BCOR: variants seen among roughly 807,000 people sequenced by gnomAD.
BCOR encodes the protein BCL6 corepressor.
Under a neutral mutation model 86.7 loss-of-function variants are expected in BCOR, and 10 were observed. That is an observed-to-expected ratio of 0.12 (90% CI 0.07 to 0.20). The LOEUF is 0.20. Among genes scored for constraint, BCOR ranks in the 10% least tolerant of loss-of-function variants. The probability of loss-of-function intolerance (pLI) is 1.00; values close to 1 mark genes in which losing one functional copy is unlikely to be tolerated. For synonymous variants in BCOR, 611 were observed against 609.0 expected (o/e 1.00, Z -0.05); for missense variants, 1,259 against 1,452.1 (o/e 0.87, Z 2.16).
At chrX:40,170,883 A>C (rs886644445) in intron 1 of BCOR, among the ~76,000 whole-genome samples, 1 of 112,435 alleles carries the variant, frequency 8.9e-6, no homozygotes, top group African/African-American at 3.2e-5. Flanking sequence ...CTAATCAGCA[A>C]GTCACTGGTT....
In BCOR at chrX:40,062,142, A is replaced by G. The variant is rs1602121349; in HGVS notation, c.4425T>C (p.Tyr1475=). ...GGGAGCGCCCACAGGGACACACCTC[A>G]TAGCCAAGCCTGGCTGCCCGCTGCA... ...TLLQRAARLG[Y]EEVVLYCLEN... is the part of the protein sequence containing the mutation. Residue 1475 remains tyrosine, a synonymous_variant, in exon 10 of 15, where the codon TAT becomes TAC. Transcript: ENST00000378444. The G allele has an allele frequency of 8.3e-7, 1 of 1,198,114 alleles. No individual in the cohort carries two copies. The highest frequency in any genetic ancestry group is 3.0e-5 in the East Asian group (1 of 33,152).
Position 40,064,537 on chromosome X carries a change from G to C in BCOR, c.3301C>G (p.Pro1101Ala), listed in dbSNP as rs771593935. ...CTCTCCACAAAGTACTTCTCCACAG[G>C]AAGATCTTTGTCCTCTGGGGCTTCA... ...PFEAPEDKDL[P>A]VEKYFVERQP... Residue 1101 changes from proline to alanine, a missense_variant, in exon 7 of 15, where the codon CCT becomes GCT. Around this residue, in one of 7 missense-constraint regions of BCOR, gnomAD observed 305 missense variants for 286.1 expected, o/e 1.07. Transcript: ENST00000378444. 8.3e-7 allele frequency: 1 copy of C among 1,211,974 alleles called. No individual in the cohort carries two copies. The highest frequency in any genetic ancestry group is 2.2e-5 in the Admixed American group (1 of 46,108).
chrX:40,136,042 A>C lies in BCOR; in HGVS notation c.-41+40965T>G, dbSNP rs754079744. Among the ~76,000 whole-genome samples, 7 of 112,058 alleles carry C rather than the reference A, an allele frequency of 6.2e-5. No homozygotes were observed. The East Asian group carries it at 1.7e-3, about 27-fold the overall frequency. On this transcript the variant is annotated intron_variant, in intron 1 of 14. Transcript: ENST00000342274. Reference sequence around the variant, plus strand: ...CATGCCTCTTCATCCCACCGATGTCAGGCCACATGACTTCTTCTGGCCAAT... The same window carrying C: ...CATGCCTCTTCATCCCACCGATGTCCGGCCACATGACTTCTTCTGGCCAAT...
At chrX:40,091,939 G>C (rs772765012) in intron 1 of BCOR, among the ~76,000 whole-genome samples, 1 of 113,180 alleles carries the variant, frequency 8.8e-6, no homozygotes, top group African/African-American at 3.2e-5. Context: ...CTGGGGCACC[G>C]AGGCAATAAG....
At chrX:40,118,989 C>T (rs756968648) in intron 1 of BCOR, among the ~76,000 whole-genome samples, 383 of 112,150 alleles carry the variant, frequency 3.4e-3, no homozygotes, top group Non-Finnish European at 5.9e-3. Flanking sequence ...TGCGCCACCA[C>T]GCCCAGCTAA....
At chrX:40,160,614 GTTGT>G (rs1334034367) in intron 1 of BCOR, among the ~76,000 whole-genome samples, 34 of 103,061 alleles carry the variant, frequency 3.3e-4, no homozygotes, top group East Asian at 1.5e-3. Context: ...CCTTTTTGGA[GTTGT>G]TTAATTTTGA....
chrX:40,063,980 C>G (rs1404481133), intron 7 of BCOR, 28 bp from the exon 8 acceptor site: 2 of 945,923 alleles, frequency 2.1e-6, no homozygotes, highest in Non-Finnish European at 2.9e-6. Context: ...ACAAATTAAT[C>G]AAAAAGCCCC....
At chrX:40,127,010 TAAGACA>T (rs1937552400) in intron 1 of BCOR, among the ~76,000 whole-genome samples, 1 of 111,507 alleles carries the variant, frequency 9.0e-6, no homozygotes, top group Non-Finnish European at 1.9e-5. Context: ...TCCAGAACAG[TAAGACA>T]ATATATTTCA....
intron 1 of BCOR, among the ~76,000 whole-genome samples, chrX:40,123,422 G>A (rs1219395512): frequency 9.1e-6 from 1 of 109,484 alleles, no homozygotes; most frequent in Non-Finnish European, 1.9e-5. Flanking sequence ...GTGCGGCCTC[G>A]GCTCACTGCA....
chrX:40,091,624 C>T (rs1184314398), intron 1 of BCOR, among the ~76,000 whole-genome samples: 1 of 113,365 alleles, frequency 8.8e-6, no homozygotes, highest in Admixed American at 9.2e-5. Context: ...CTGATGAACA[C>T]GTTGAGGGCA....
upstream of BCOR, among the ~76,000 whole-genome samples, chrX:40,101,212 G>A (rs1937067653): frequency 9.0e-6 from 1 of 111,415 alleles, no homozygotes; most frequent in African/African-American, 3.3e-5. Context: ...AGCTGGGGAT[G>A]CCGCGGGGCC....
intron 7 of BCOR, 33 bp downstream of exon 7, chrX:40,064,303 C>A (rs369882573): frequency 5.8e-6 from 7 of 1,210,530 alleles, no homozygotes; most frequent in South Asian, 5.3e-5. Context: ...AAGGCCCACC[C>A]CCCGGCAGGC....
intron 1 of BCOR, among the ~76,000 whole-genome samples, chrX:40,137,956 C>CT (rs1193753521): frequency 2.3e-3 from 244 of 104,647 alleles, no homozygotes; most frequent in East Asian, 6.5e-3. Flanking sequence ...CTCCAAATAT[C>CT]TTTTTTTTTT....
intron 1 of BCOR, among the ~76,000 whole-genome samples, chrX:40,124,414 A>T (rs889015404): frequency 3.6e-5 from 4 of 109,642 alleles, no homozygotes; most frequent in Non-Finnish European, 5.7e-5. Flanking sequence ...CTGAGACTAC[A>T]GGCATGCATC....
At chrX:40,081,988 T>C (rs762671895) in intron 1 of BCOR, among the ~76,000 whole-genome samples, 77 of 112,544 alleles carry the variant, frequency 6.8e-4, no homozygotes, top group African/African-American at 2.4e-3. Flanking sequence ...ATAGGAGAGC[T>C]TGGGTCACCC....
rs1249462337 is a variant in BCOR at position 40,064,689 on chromosome X, C to CA, written c.3239-91dup. ...GGGGAGTGCGTGGGACCACCATGCC[C>CA]AAGGTAATCTGCTATTGACAGCTGC... On this transcript the variant is annotated intron_variant, in intron 6 of 14. Coordinates refer to ENST00000378444, the MANE Select transcript of BCOR (RefSeq NM_001123385.2). The CA allele has an allele frequency of 1.1e-5, 11 of 1,019,831 alleles. No individual in the cohort carries two copies. In the African/African-American group the frequency reaches 1.9e-4, roughly 17 times the overall value. 84.0% of individuals were successfully genotyped at this position (1,019,831 alleles called of 1,213,427 possible).
intron 1 of BCOR, among the ~76,000 whole-genome samples, chrX:40,108,167 G>A (rs1450297984): frequency 1.8e-5 from 2 of 112,412 alleles, no homozygotes; most frequent in Admixed American, 1.9e-4. Context: ...ATCGCCAGCT[G>A]CCAACCCATT....
At chrX:40,102,888 G>A (rs374489658), upstream of BCOR, among the ~76,000 whole-genome samples, 1 of 113,195 alleles carries the variant, frequency 8.8e-6, no homozygotes, top group South Asian at 3.6e-4. Flanking sequence ...TGAGTGGCGC[G>A]GGATGGTTGC....
chrX:40,172,137 C>T (rs972727571), intron 1 of BCOR, among the ~76,000 whole-genome samples: 5 of 112,847 alleles, frequency 4.4e-5, no homozygotes, highest in African/African-American at 1.6e-4. Context: ...CCGCGGCACG[C>T]AGGGGAGTCA....
Sources: allele counts gnomAD v4.1 joint callset (sites outside exome capture counted in the v4.1 genomes callset), GRCh38; gene constraint gnomAD v4.1.1; regional missense constraint gnomAD v4.1.1; transcripts MANE v1.5; gene names NCBI Gene and HGNC (gene_info 2026-07-23, HGNC 2026-07-21).